RECQL5: variants seen among roughly 807,000 people sequenced by gnomAD.
The protein encoded by RECQL5 is ATP-dependent DNA helicase Q5.
RECQL5 carries 88 observed loss-of-function variants against 103.4 expected under a neutral mutation model. That is an observed-to-expected ratio of 0.85 (90% CI 0.72 to 1.02). The LOEUF (loss-of-function observed/expected upper bound fraction) is 1.02. Ranked by LOEUF, RECQL5 falls within the 50% of genes least tolerant of loss-of-function variation. The probability of loss-of-function intolerance (pLI) is 0.00; values close to 1 mark genes in which losing one functional copy is unlikely to be tolerated. For synonymous variants in RECQL5, 552 were observed against 507.9 expected, an observed-to-expected ratio of 1.09 and a Z score of -1.17; for missense variants, 1,232 against 1,284.3, an observed-to-expected ratio of 0.96 and a Z score of 0.62.
rs780090122 is a variant in RECQL5 at position 75,630,995 on chromosome 17, T to C, written c.1564A>G (p.Ile522Val). ...TGACCTGGGGGTACAAATTCTTCTA[T>C]CTTGGGGTCTTTGCCCTGGAGGACA... is the stretch of plus-strand genomic sequence containing the variant. ...MQLRKGKDPK[I>V]EEFVPPDENC... The change falls in exon 11 of 20, where the codon ATA becomes GTA. Residue 522 changes from isoleucine to valine, a missense_variant. Coordinates refer to ENST00000317905, the MANE Select transcript of RECQL5 (RefSeq NM_004259.7). 7 of 1,613,876 alleles carry C rather than the reference T, an allele frequency of 4.3e-6. No homozygotes were observed. The Admixed American group carries it at 6.7e-5, about 15-fold the overall frequency.
chr17:75,665,181 A>C lies in RECQL5; in HGVS notation c.131-9T>G. The C allele has an allele frequency of 6.2e-7, 1 of 1,605,370 alleles. No individual in the cohort carries two copies. ...AAAGACGTCCTTGTTACCTGAAAAA[A>C]TACAAGACAACAATATCTCAGTGCT... On this transcript the variant is annotated splice_polypyrimidine_tract_variant and intron_variant, in intron 2 of 19. Transcript: ENST00000317905.
intron 8 of RECQL5, among the ~76,000 whole-genome samples, chr17:75,648,290 T>C (rs923270737): frequency 5.3e-5 from 8 of 152,196 alleles, no homozygotes; most frequent in African/African-American, 1.9e-4. Context: ...CAGGTAAATC[T>C]TCCCTAACCC....
intron 3 of RECQL5, 69 bp from the exon 4 acceptor site, chr17:75,663,066 G>A: frequency 6.8e-7 from 1 of 1,463,698 alleles, no homozygotes; most frequent in Non-Finnish European, 9.2e-7. Flanking sequence ...AGTCCCTGGA[G>A]GATTTCCCAG....
intron 7 of RECQL5, among the ~76,000 whole-genome samples, chr17:75,658,003 A>G (rs1568281941): frequency 6.6e-6 from 1 of 152,094 alleles, no homozygotes; most frequent in Admixed American, 6.6e-5. Context: ...AGCCGAGTTC[A>G]TGCCATTGCA....
At chr17:75,645,488 C>T (rs1479681257) in intron 8 of RECQL5, among the ~76,000 whole-genome samples, 5 of 152,126 alleles carry the variant, frequency 3.3e-5, no homozygotes, top group African/African-American at 4.8e-5. Flanking sequence ...CATTGGTTCC[C>T]GGGATGTTAA....
chr17:75,629,628 A>G, intron 15 of RECQL5, 80 bp downstream of exon 15: 1 of 1,518,496 alleles, frequency 6.6e-7, no homozygotes, highest in Middle Eastern at 1.8e-4. Flanking sequence ...AGGCCTTGGC[A>G]AGAGGTGCAC....
chr17:75,627,818 G>C (rs1362672864), intron 18 of RECQL5, 126 bp from the exon 19 acceptor site: 1 of 775,914 alleles, frequency 1.3e-6, no homozygotes, highest in Middle Eastern at 3.7e-4. Context: ...AGGAGATCGA[G>C]ACCATCCTGG....
rs1158769968 is a variant in RECQL5, at chr17:75,656,880, G to A, written c.1149+1418C>T. On this transcript the variant is annotated intron_variant, in intron 7 of 19. Coordinates refer to ENST00000317905, the MANE Select transcript of RECQL5 (RefSeq NM_004259.7). Reference sequence around the variant, plus strand: ...CTGCCCCAACCTCCCAAGTAGCTGGGACTACAGGCGCCCGCCACCACGCCC... The same window carrying A: ...CTGCCCCAACCTCCCAAGTAGCTGGAACTACAGGCGCCCGCCACCACGCCC... Among the ~76,000 whole-genome samples the A allele has an allele frequency of 2.6e-5, 4 of 151,922 alleles. No homozygotes were observed. In the East Asian group the frequency reaches 5.8e-4, roughly 22 times the overall value.
Position 75,629,394 on chromosome 17 carries a change from G to A in RECQL5, c.2029C>T (p.Arg677Trp), listed in dbSNP as rs538753860. Residue 677 changes from arginine (R) to tryptophan (W), a missense_variant, in exon 16 of 20, where the codon CGG becomes TGG. Transcript: ENST00000317905. ...QTATELMETT[R>W]IREQAPQPER... is the part of the protein sequence containing the mutation. ...GGCTGGGGGGCTTGCTCCCTGATCC[G>A]AGTTGTCTCCATCAGTTCCGTGGCC... 1.9e-5 allele frequency: 29 copies of A among 1,510,508 alleles called. No homozygotes were observed. The highest frequency in any genetic ancestry group is 2.5e-5 in the Non-Finnish European group (28 of 1,130,682). 93.6% of individuals were successfully genotyped at this position (1,510,508 alleles called of 1,614,324 possible).
chr17:75,627,054 G>A lies in RECQL5; in HGVS notation c.*368C>T. On this transcript the variant is annotated 3_prime_UTR_variant, in exon 20 of 20. Coordinates refer to ENST00000317905, the MANE Select transcript of RECQL5 (RefSeq NM_004259.7). ...GGTGGAGGATCTGAGGGTCCCCTGG[G>A]TAGGTTCCGATACCTTGGACAGGTG... 2.4e-6 allele frequency: 1 copy of A among 423,370 alleles called. No individual in the cohort carries two copies. The highest frequency in any genetic ancestry group is 4.7e-6 in the Non-Finnish European group (1 of 212,820). 26.2% of individuals were successfully genotyped at this position (423,370 alleles called of 1,614,324 possible).
At chr17:75,658,255 G>C (rs373877542) in intron 7 of RECQL5, 43 bp downstream of exon 7, 5 of 1,589,954 alleles carry the variant, frequency 3.1e-6, no homozygotes, top group Non-Finnish European at 2.6e-6. Context: ...AAACTGGAGA[G>C]TGGTGGGTCA....
intron 7 of RECQL5, among the ~76,000 whole-genome samples, 166 bp downstream of exon 7, chr17:75,658,132 T>C (rs578048116): frequency 6.6e-6 from 1 of 152,202 alleles, no homozygotes; most frequent in Non-Finnish European, 1.5e-5. Flanking sequence ...ACCTAGCTTG[T>C]TGTAAGCTGC....
intron 8 of RECQL5, chr17:75,641,015 T>C (rs568587045): frequency 1.7e-4 from 244 of 1,467,498 alleles, no homozygotes; most frequent in Non-Finnish European, 1.8e-4. Context: ...GCCCCAGCTC[T>C]GGCCCAGCCC....
In RECQL5 at chr17:75,627,032, G is replaced by A. The variant is rs1482337065; in HGVS notation, c.*390C>T. The A allele has an allele frequency of 1.0e-5, 4 of 392,258 alleles. No homozygotes were observed. The highest frequency in any genetic ancestry group is 4.1e-5 in the African/African-American group (2 of 48,226). 24.3% of individuals were successfully genotyped at this position (392,258 alleles called of 1,614,324 possible). On this transcript the variant is annotated 3_prime_UTR_variant, in exon 20 of 20. Transcript: ENST00000317905. ...CATCGTAATGGATGGGGGAGTGGGT[G>A]GAGGATCTGAGGGTCCCCTGGGTAG...
Position 75,627,229 on chromosome 17 carries a change from G to C in RECQL5, c.*193C>G. On this transcript the variant is annotated 3_prime_UTR_variant, in exon 20 of 20. Coordinates refer to ENST00000317905, the MANE Select transcript of RECQL5 (RefSeq NM_004259.7). ...GCTCTGAGAAGGGTCTATAGGCTTTGCAAGCAGAAAGAAAGGTGGGCTGAC... is the reference window on the plus strand; with the variant it reads ...GCTCTGAGAAGGGTCTATAGGCTTTCCAAGCAGAAAGAAAGGTGGGCTGAC... 1 of 668,560 alleles carries C rather than the reference G, an allele frequency of 1.5e-6. No individual in the cohort carries two copies. The highest frequency in any genetic ancestry group is 2.7e-6 in the Non-Finnish European group (1 of 365,976). 41.4% of individuals were successfully genotyped at this position (668,560 alleles called of 1,614,324 possible).
At position 75,661,611 on chromosome 17, in the gene RECQL5, T is replaced by A. The variant is rs913259536; in HGVS notation, c.869A>T (p.His290Leu). ...GTGGCCTGGGTGCCCCTTACCTGCA[T>A]GGTAAGCCTTGGCGTTCACACCCCT... ...SCRGVNAKAYHAGLKASERTL... is the reference protein window; with the variant it reads ...SCRGVNAKAYLAGLKASERTL... Residue 290 changes from histidine to leucine, a missense_variant, in exon 5 of 20, where the codon CAT becomes CTT. Transcript: ENST00000317905. The A allele has an allele frequency of 1.2e-6, 2 of 1,612,724 alleles. No individual in the cohort carries two copies. The highest frequency in any genetic ancestry group is 2.7e-5 in the African/African-American group (2 of 74,892).
At chr17:75,666,997 T>C (rs79225822) in intron 1 of RECQL5, 47 bp downstream of exon 1, 6,317 of 253,000 alleles carry the variant, frequency 0.025, 112 homozygotes, top group Non-Finnish European at 0.033. Context: ...GATCCGCAAT[T>C]TTCTCTCTTG....
chr17:75,665,738 G>GATTGAACT (rs1180024608), intron 2 of RECQL5, among the ~76,000 whole-genome samples: 1 of 150,472 alleles, frequency 6.6e-6, no homozygotes, highest in Middle Eastern at 3.2e-3. Flanking sequence ...TGATATGGAT[G>GATTGAACT]ATTGAACTAA....
chr17:75,631,684 C>T lies in RECQL5; in HGVS notation c.1230-16G>A. 1 of 1,607,302 alleles carries T rather than the reference C, an allele frequency of 6.2e-7. No homozygotes were observed. The highest frequency in any genetic ancestry group is 8.5e-7 in the Non-Finnish European group (1 of 1,177,438). ...ATGGCGGCACCTGGAGCAGGCAGCACCGCAGAGGTGAGGGGCGGAGAGCCC... is the reference window on the plus strand; with the variant it reads ...ATGGCGGCACCTGGAGCAGGCAGCATCGCAGAGGTGAGGGGCGGAGAGCCC... On this transcript the variant is annotated splice_polypyrimidine_tract_variant and intron_variant, in intron 8 of 19. Transcript: ENST00000317905.
Sources: gnomAD v4.1 joint callset for allele counts (sites outside exome capture counted in the v4.1 genomes callset) on GRCh38, gnomAD v4.1.1 for gene constraint, MANE v1.5 for transcripts, NCBI Gene and HGNC (gene_info 2026-07-23, HGNC 2026-07-21) for gene names.